The following GALNT17 variants were observed in gnomAD, a reference collection of about 807,000 sequenced individuals.
GALNT17 encodes polypeptide N-acetylgalactosaminyltransferase 17.
Under a neutral mutation model 63.7 loss-of-function variants are expected in GALNT17, and 29 were observed. The observed-to-expected ratio is 0.46, with a 90% CI of 0.34 to 0.62. GALNT17 has a LOEUF of 0.62. Among genes scored for constraint, GALNT17 ranks in the 20% least tolerant of loss-of-function variants. The pLI, the probability that GALNT17 is intolerant of heterozygous loss-of-function variation, is 0.01. For missense variants in GALNT17, 603 were observed against 799.6 expected (o/e 0.75, Z 2.97); for synonymous variants, 305 against 318.3 (o/e 0.96, Z 0.45).
chr7:71,457,187 G>T (rs1787369654), intron 5 of GALNT17, among the ~76,000 whole-genome samples: 1 of 152,222 alleles, frequency 6.6e-6, no homozygotes, highest in Non-Finnish European at 1.5e-5. Flanking sequence ...AAATTCAACA[G>T]AACCCTCTGA....
intron 1 of GALNT17, among the ~76,000 whole-genome samples, chr7:71,235,152 G>A (rs1413005429): frequency 1.3e-5 from 2 of 151,922 alleles, no homozygotes; most frequent in Admixed American, 1.3e-4. Context: ...TCGGGAGGCT[G>A]AGGCAGGAGA....
chr7:71,261,535 C>T (rs1285353688), intron 1 of GALNT17, among the ~76,000 whole-genome samples: 2 of 152,204 alleles, frequency 1.3e-5, no homozygotes, highest in Non-Finnish European at 2.9e-5. Flanking sequence ...AGATGCATAG[C>T]ATCTCCAAAC....
intron 2 of GALNT17, among the ~76,000 whole-genome samples, chr7:71,351,409 C>A (rs943364648): frequency 6.6e-6 from 1 of 151,918 alleles, no homozygotes; most frequent in Non-Finnish European, 1.5e-5. Flanking sequence ...AAATTCAAGT[C>A]CATCTGGAAC....
At chr7:71,598,231 C>T (rs1255189020) in intron 6 of GALNT17, among the ~76,000 whole-genome samples, 2 of 152,134 alleles carry the variant, frequency 1.3e-5, no homozygotes, top group African/African-American at 2.4e-5. Flanking sequence ...CATGAGCCAC[C>T]GTGCCCGGCC....
chr7:71,386,726 A>T (rs1792952512), intron 2 of GALNT17, among the ~76,000 whole-genome samples: 1 of 152,046 alleles, frequency 6.6e-6, no homozygotes, highest in Admixed American at 6.5e-5. Context: ...TGAGGGAGGG[A>T]TGTCAGCAGG....
intron 5 of GALNT17, among the ~76,000 whole-genome samples, chr7:71,451,887 GT>G (rs1378578803): frequency 6.6e-6 from 1 of 151,200 alleles, no homozygotes; most frequent in Non-Finnish European, 1.5e-5. Context: ...CCGAATTGTG[GT>G]TTTTTTTGTT....
intron 7 of GALNT17, among the ~76,000 whole-genome samples, chr7:71,667,739 A>T (rs925601520): frequency 1.3e-5 from 2 of 152,252 alleles, no homozygotes; most frequent in South Asian, 4.1e-4. Flanking sequence ...CCTCATACAA[A>T]ACCTCACCCC....
intron 5 of GALNT17, among the ~76,000 whole-genome samples, chr7:71,466,362 A>G (rs1385686321): frequency 6.6e-6 from 1 of 152,188 alleles, no homozygotes; most frequent in Non-Finnish European, 1.5e-5. Context: ...AATAGAGATC[A>G]TAAGACTGAC....
intron 5 of GALNT17, among the ~76,000 whole-genome samples, chr7:71,506,949 T>A (rs186129973): frequency 6.6e-6 from 1 of 152,226 alleles, no homozygotes; most frequent in African/African-American, 2.4e-5. Flanking sequence ...TAAAAGCACA[T>A]TCAGGCCAGG....
At chr7:71,619,343 T>C (rs1295064118) in intron 6 of GALNT17, among the ~76,000 whole-genome samples, 2 of 152,228 alleles carry the variant, frequency 1.3e-5, no homozygotes, top group African/African-American at 4.8e-5. Context: ...ACATTGGTTG[T>C]TTAATAGGAA....
chr7:71,153,721 A>T (rs1327105252), intron 1 of GALNT17, among the ~76,000 whole-genome samples: 1 of 152,128 alleles, frequency 6.6e-6, no homozygotes. Context: ...GTTTGAGACC[A>T]GCCTGGCCAA....
intron 6 of GALNT17, among the ~76,000 whole-genome samples, chr7:71,580,418 TAGA>T (rs1562699151): frequency 2.0e-4 from 31 of 151,888 alleles, no homozygotes; most frequent in African/African-American, 7.0e-4. Flanking sequence ...GATAGATAGA[TAGA>T]TAGATAGATA....
intron 1 of GALNT17, among the ~76,000 whole-genome samples, chr7:71,169,512 A>C (rs1788506887): frequency 6.6e-6 from 1 of 152,152 alleles, no homozygotes; most frequent in African/African-American, 2.4e-5. Flanking sequence ...TGTGGAAGTC[A>C]CTGAATTGAA....
intron 3 of GALNT17, among the ~76,000 whole-genome samples, chr7:71,410,849 C>T (rs904112418): frequency 2.0e-5 from 3 of 150,980 alleles, no homozygotes; most frequent in African/African-American, 7.2e-5. Flanking sequence ...TTCGCTTCTC[C>T]CCCTCAACCT....
At chr7:71,535,491 G>A (rs1250418481) in intron 5 of GALNT17, among the ~76,000 whole-genome samples, 2 of 152,098 alleles carry the variant, frequency 1.3e-5, no homozygotes, top group Non-Finnish European at 2.9e-5. Flanking sequence ...AAAAAAAGAG[G>A]GCAGTGGAAT....
intron 1 of GALNT17, among the ~76,000 whole-genome samples, chr7:71,174,014 T>G (rs1242539004): frequency 6.6e-6 from 1 of 152,118 alleles, no homozygotes; most frequent in Non-Finnish European, 1.5e-5. Context: ...ACCAACTTCT[T>G]CTGTTTCCAC....
chr7:71,480,135 A>AC (rs1213171586), intron 5 of GALNT17, among the ~76,000 whole-genome samples: 2 of 130,322 alleles, frequency 1.5e-5, no homozygotes, highest in Non-Finnish European at 3.2e-5. Flanking sequence ...GCTCTTGGAG[A>AC]CCCCCTCTTT....
At chr7:71,381,187 C>A (rs1233333026) in intron 2 of GALNT17, among the ~76,000 whole-genome samples, 2 of 151,900 alleles carry the variant, frequency 1.3e-5, no homozygotes, top group Non-Finnish European at 2.9e-5. Context: ...GTCTTGAACT[C>A]CTGACCTCTG....
intron 6 of GALNT17, among the ~76,000 whole-genome samples, chr7:71,604,062 T>C (rs1247871640): frequency 1.3e-5 from 2 of 152,020 alleles, no homozygotes; most frequent in Non-Finnish European, 2.9e-5. Flanking sequence ...CAGTGGATAC[T>C]ATGCTAAGTG....
Sources: allele counts gnomAD v4.1 joint callset (sites outside exome capture counted in the v4.1 genomes callset), GRCh38; gene constraint gnomAD v4.1.1; transcripts MANE v1.5; gene names NCBI Gene and HGNC (gene_info 2026-07-23, HGNC 2026-07-21).